Variants in COL27A1 observed in about 807,000 individuals in gnomAD.
COL27A1 encodes collagen alpha-1(XXVII) chain.
Under a neutral mutation model 251.3 loss-of-function variants are expected in COL27A1, and 106 were observed. The ratio of observed to expected loss-of-function variants is 0.42; its 90% CI spans 0.36 to 0.50. The LOEUF (loss-of-function observed/expected upper bound fraction) is 0.50, where lower values mean the gene tolerates loss of function less well. Ranked by LOEUF, COL27A1 falls within the 20% of genes least tolerant of loss-of-function variation. The pLI is 0.00. For missense variants in COL27A1, 2,325 were observed against 2,522.8 expected, an observed-to-expected ratio of 0.92 and a Z score of 1.68; for synonymous variants, 1,000 against 986.3, an observed-to-expected ratio of 1.01 and a Z score of -0.26.
At chr9:114,287,510 C>T (rs1172339695) in intron 41 of COL27A1, among the ~76,000 whole-genome samples, 2 of 152,150 alleles carry the variant, frequency 1.3e-5, no homozygotes, top group Admixed American at 6.5e-5. Flanking sequence ...TCCGCCCCCC[C>T]CACCCCAGTC....
rs935209889 is a variant in COL27A1, at chr9:114,218,779, A to G, written c.2368-1012A>G. Reference sequence around the variant, plus strand: ...CATTTCAAGGTGTCTTTGCCTAACCAGTAGAGACTTTGGTTTGGGTTTTGT... The same window carrying G: ...CATTTCAAGGTGTCTTTGCCTAACCGGTAGAGACTTTGGTTTGGGTTTTGT... On this transcript the variant is annotated intron_variant, in intron 12 of 60. Transcript: ENST00000356083. 6.6e-5 allele frequency among the ~76,000 whole-genome samples: 10 copies of G among 152,172 alleles called. No homozygotes were observed. The South Asian group carries it at 2.1e-3, about 32-fold the overall frequency.
intron 24 of COL27A1, among the ~76,000 whole-genome samples, chr9:114,248,774 G>A (rs868685817): frequency 6.6e-6 from 1 of 152,164 alleles, no homozygotes; most frequent in African/African-American, 2.4e-5. Flanking sequence ...TTTATGACCC[G>A]CTTGCCTTCC....
intron 59 of COL27A1, 56 bp from the exon 60 acceptor site, chr9:114,309,204 G>C: frequency 1.4e-6 from 2 of 1,423,844 alleles, no homozygotes; most frequent in Non-Finnish European, 2.0e-6. Flanking sequence ...GGGAACCCTC[G>C]GTGTGGGGGG....
intron 1 of COL27A1, among the ~76,000 whole-genome samples, chr9:114,160,955 G>C (rs959943651): frequency 2.0e-5 from 3 of 152,216 alleles, no homozygotes; most frequent in Non-Finnish European, 4.4e-5. Flanking sequence ...TGGCGTCTGA[G>C]TGCTATTTCA....
chr9:114,303,128 A>C (rs1828779570), intron 56 of COL27A1, among the ~76,000 whole-genome samples: 1 of 152,192 alleles, frequency 6.6e-6, no homozygotes, highest in African/African-American at 2.4e-5. Context: ...TCCAGGAAAA[A>C]CAGAAAATTA....
intron 28 of COL27A1, among the ~76,000 whole-genome samples, chr9:114,260,608 C>T (rs895312895): frequency 6.6e-6 from 1 of 152,050 alleles, no homozygotes; most frequent in Non-Finnish European, 1.5e-5. Context: ...TAGGACGGGC[C>T]CTGCTCCCCA....
chr9:114,255,264 C>T (rs1421079625), intron 27 of COL27A1, among the ~76,000 whole-genome samples: 4 of 152,236 alleles, frequency 2.6e-5, no homozygotes, highest in Admixed American at 2.0e-4. Flanking sequence ...CACGGCTGGC[C>T]GAGGCACCCA....
At chr9:114,244,789 A>T (rs1167493615) in intron 23 of COL27A1, among the ~76,000 whole-genome samples, 1 of 152,156 alleles carries the variant, frequency 6.6e-6, no homozygotes, top group African/African-American at 2.4e-5. Flanking sequence ...TCTCCCTCAG[A>T]TACCAGTTGG....
intron 49 of COL27A1, among the ~76,000 whole-genome samples, chr9:114,295,555 C>A (rs537108128): frequency 6.6e-6 from 1 of 152,298 alleles, no homozygotes; most frequent in African/African-American, 2.4e-5. Context: ...AATCTGCAGT[C>A]ATCACGAAAC....
intron 9 of COL27A1, 124 bp from the exon 10 acceptor site, chr9:114,206,128 T>C: frequency 1.0e-6 from 1 of 972,726 alleles, no homozygotes; most frequent in South Asian, 1.5e-5. Flanking sequence ...AGATCGCTGA[T>C]CTAACCCCAC....
intron 34 of COL27A1, chr9:114,268,903 T>C (rs968517283): frequency 4.7e-6 from 1 of 214,630 alleles, no homozygotes; most frequent in African/African-American, 2.3e-5. Flanking sequence ...CCCACTGCAC[T>C]CCAGTCTGGG....
At chr9:114,195,374 A>T (rs1169902663) in intron 6 of COL27A1, among the ~76,000 whole-genome samples, 1 of 68,404 alleles carries the variant, frequency 1.5e-5, no homozygotes, top group East Asian at 2.5e-4. Flanking sequence ...GACCCCCATC[A>T]TACCCCATGA....
chr9:114,275,522 C>A, intron 36 of COL27A1, 139 bp from the exon 37 acceptor site: 1 of 590,938 alleles, frequency 1.7e-6, no homozygotes. Context: ...GCCTTTTTGG[C>A]TGCAGAGGGA....
chr9:114,291,954 C>T (rs45544635), intron 48 of COL27A1, 149 bp from the exon 49 acceptor site: 34,513 of 701,520 alleles, frequency 0.049, 1,072 homozygotes, highest in Admixed American at 0.072. Flanking sequence ...CACCCCTACC[C>T]CACCAGGCCT....
Position 114,261,918 on chromosome 9 carries a change from C to G in COL27A1, c.3196-2437C>G, listed in dbSNP as rs559712151. On this transcript the variant is annotated intron_variant, in intron 28 of 60. Coordinates refer to ENST00000356083, the MANE Select transcript of COL27A1 (RefSeq NM_032888.4). The stretch of plus-strand genomic sequence containing the variant: ...TGCTCCTGCGGTGGCTGCTACTGCT[C>G]TATTATTATTTGATGACTTAAGCTT... Among the ~76,000 whole-genome samples, 33 of 152,332 alleles carry G rather than the reference C, an allele frequency of 2.2e-4. 1 individual carries two copies. The Middle Eastern group carries it at 0.024, about 110-fold the overall frequency.
chr9:114,248,098 A>G (rs748709500), intron 24 of COL27A1, among the ~76,000 whole-genome samples: 2 of 152,154 alleles, frequency 1.3e-5, no homozygotes, highest in African/African-American at 2.4e-5. Context: ...CACAGGCAGT[A>G]ACATCACTGT....
chr9:114,246,387 G>T (rs544184263), intron 24 of COL27A1, among the ~76,000 whole-genome samples: 2 of 152,204 alleles, frequency 1.3e-5, no homozygotes, highest in East Asian at 1.9e-4. Flanking sequence ...CTGGGTCAAG[G>T]TCTGAAGAAG....
At chr9:114,236,633 C>T (rs1419052302) in intron 17 of COL27A1, among the ~76,000 whole-genome samples, 2 of 152,186 alleles carry the variant, frequency 1.3e-5, no homozygotes, top group African/African-American at 2.4e-5. Context: ...TTGGTATCTC[C>T]GGGTTGTGAA....
chr9:114,204,469 T>A (rs895762994), intron 7 of COL27A1, among the ~76,000 whole-genome samples: 4 of 152,222 alleles, frequency 2.6e-5, no homozygotes, highest in African/African-American at 7.2e-5. Context: ...CTTTTGGCCA[T>A]CAGGACAGAG....
Sources: gnomAD v4.1 joint callset for allele counts (sites outside exome capture counted in the v4.1 genomes callset) on GRCh38, gnomAD v4.1.1 for gene constraint, MANE v1.5 for transcripts, NCBI Gene and HGNC (gene_info 2026-07-23, HGNC 2026-07-21) for gene names.